Variants in SNX29 observed in about 807,000 individuals in gnomAD.
SNX29 encodes the protein sorting nexin-29.
A neutral mutation model predicts 102.1 loss-of-function variants in SNX29; 78 were observed. The observed-to-expected ratio is 0.76, with a 90% CI of 0.64 to 0.92. The LOEUF (loss-of-function observed/expected upper bound fraction) is 0.92, where lower values mean the gene tolerates loss of function less well. Ranked by LOEUF, SNX29 falls within the 40% of genes least tolerant of loss-of-function variation. The probability of loss-of-function intolerance (pLI) is 0.00; values close to 1 mark genes in which losing one functional copy is unlikely to be tolerated. For missense variants in SNX29, 1,280 were observed against 1,061.7 expected (o/e 1.21, Z -2.86); for synonymous variants, 580 against 414.5 (o/e 1.40, Z -4.85).
At chr16:12,535,811 C>A (rs1321639152) in intron 20 of SNX29, among the ~76,000 whole-genome samples, 1 of 152,160 alleles carries the variant, frequency 6.6e-6, no homozygotes, top group African/African-American at 2.4e-5. Context: ...CTGTGTAAGC[C>A]TTGCCGCCAC....
At chr16:12,164,058 T>C (rs1350457629) in intron 13 of SNX29, among the ~76,000 whole-genome samples, 12 of 152,084 alleles carry the variant, frequency 7.9e-5, no homozygotes, top group Non-Finnish European at 1.8e-4. Context: ...AGGGTTTGCT[T>C]TCTTAGTTGG....
At chr16:12,304,109 A>G (rs2080264177) in intron 15 of SNX29, among the ~76,000 whole-genome samples, 1 of 152,138 alleles carries the variant, frequency 6.6e-6, no homozygotes, top group Non-Finnish European at 1.5e-5. Flanking sequence ...TCCCAGGCCT[A>G]AGTAGCAGGA....
chr16:12,521,883 C>T (rs908375326), intron 19 of SNX29, among the ~76,000 whole-genome samples: 1 of 152,198 alleles, frequency 6.6e-6, no homozygotes, highest in African/African-American at 2.4e-5. Context: ...CGCACATAGC[C>T]CGCCTCCTGC....
intron 15 of SNX29, among the ~76,000 whole-genome samples, chr16:12,338,479 C>T (rs1274197999): frequency 6.6e-6 from 1 of 152,198 alleles, no homozygotes; most frequent in African/African-American, 2.4e-5. Context: ...GTGCATCAGG[C>T]GTTGTGCACA....
At position 12,568,806 on chromosome 16, in the gene SNX29, T is replaced by G; in HGVS notation, c.*177T>G. ...TAAACTAATCAGTCTTCGAGCCGCA[T>G]GATACCGTGACCCGAGAGACCAAGG... On this transcript the variant is annotated 3_prime_UTR_variant, in exon 21 of 21. Transcript: ENST00000566228. 9.8e-7 allele frequency: 1 copy of G among 1,018,274 alleles called. No homozygotes were observed. Among genetic ancestry groups the G allele is most frequent in the Non-Finnish European group, 1.4e-6 (1 of 719,122 alleles). The allele number at this position is 1,018,274 out of a possible 1,614,324, so 63.1% of individuals were successfully genotyped here.
chr16:12,207,812 A>G (rs2077083970), intron 14 of SNX29, among the ~76,000 whole-genome samples: 3 of 152,030 alleles, frequency 2.0e-5, no homozygotes, highest in African/African-American at 7.3e-5. Context: ...AGAGTCTGGC[A>G]TTTGCTTTTT....
chr16:12,083,636 G>T (rs1410148924), intron 11 of SNX29, among the ~76,000 whole-genome samples: 1 of 152,214 alleles, frequency 6.6e-6, no homozygotes, highest in Non-Finnish European at 1.5e-5. Flanking sequence ...ATGCAATTCA[G>T]TCCATAGCAT....
chr16:12,035,360 C>T (rs117361454), intron 4 of SNX29, among the ~76,000 whole-genome samples: 25 of 152,150 alleles, frequency 1.6e-4, no homozygotes, highest in South Asian at 6.2e-4. Flanking sequence ...TGCACATGCA[C>T]GCCACCATGC....
At position 12,524,735 on chromosome 16, in the gene SNX29, C is replaced by T; in HGVS notation, c.2212C>T (p.Leu738Phe). The T allele has an allele frequency of 6.2e-7, 1 of 1,613,592 alleles. No individual in the cohort carries two copies. Among genetic ancestry groups the T allele is most frequent in the East Asian group, 2.2e-5 (1 of 44,876 alleles). The change falls in exon 20 of 21, where the codon CTC becomes TTC. Residue 738 changes from leucine to phenylalanine, a missense_variant. Physicochemically the swap from Leu to Phe is conservative, Grantham distance 22. Transcript: ENST00000566228. ...AKFVEERRKQLQNYLRSVMNK... is the reference protein window; with the variant it reads ...AKFVEERRKQFQNYLRSVMNK... ...GTTTGTGGAGGAACGGAGAAAGCAGCTCCAGAATTACCTGCGCAGCGTCAT... is the reference window on the plus strand; with the variant it reads ...GTTTGTGGAGGAACGGAGAAAGCAGTTCCAGAATTACCTGCGCAGCGTCAT...
chr16:12,052,714 G>A lies in SNX29; in HGVS notation c.1124+492G>A, dbSNP rs145157909. The A allele has an allele frequency of 1.5e-3, 258 of 175,958 alleles. 1 individual carries two copies. Among genetic ancestry groups the A allele is most frequent in the Middle Eastern group, 5.4e-3 (2 of 372 alleles). The allele number at this position is 175,958 out of a possible 1,614,324, so 10.9% of individuals were successfully genotyped here. A position where few individuals can be genotyped will look rare whatever the true frequency, so the allele number is the denominator to read the frequency against. On this transcript the variant is annotated intron_variant, in intron 8 of 20. Transcript: ENST00000566228. ...AGAGGGGAAAGGAGTACATTTGAGG[G>A]CACTTAATACAAAGTTAATGTCAGA...
intron 11 of SNX29, among the ~76,000 whole-genome samples, chr16:12,079,337 C>A (rs1252216646): frequency 1.3e-5 from 2 of 152,132 alleles, no homozygotes; most frequent in Non-Finnish European, 2.9e-5. Context: ...AACTTTACTA[C>A]CTAGAAAAAG....
intron 15 of SNX29, among the ~76,000 whole-genome samples, chr16:12,283,855 G>T (rs2079510605): frequency 6.6e-6 from 1 of 152,196 alleles, no homozygotes; most frequent in Admixed American, 6.5e-5. Context: ...TTCTGCAGAG[G>T]TTGGCACCTA....
At chr16:12,504,135 C>A (rs145821378) in intron 19 of SNX29, among the ~76,000 whole-genome samples, 1 of 152,050 alleles carries the variant, frequency 6.6e-6, no homozygotes, top group African/African-American at 2.4e-5. Context: ...TGAACATTTC[C>A]TATCGATGGA....
Position 12,255,523 on chromosome 16 carries a change from C to A in SNX29, c.1679-22410C>A, listed in dbSNP as rs530850801. ...CAACTGAAGCTTTGTACTTTTTGAC[C>A]AGCATCCCCCCATCTCTCCCCTGCC... is the stretch of plus-strand genomic sequence containing the variant. On this transcript the variant is annotated intron_variant, in intron 14 of 20. Coordinates refer to ENST00000566228, the MANE Select transcript of SNX29 (RefSeq NM_032167.5). Among the ~76,000 whole-genome samples, 5 of 152,236 alleles carry A rather than the reference C, an allele frequency of 3.3e-5. No individual in the cohort carries two copies. In the South Asian group the frequency reaches 1.0e-3, roughly 32 times the overall value.
At chr16:12,284,190 T>C (rs918660311) in intron 15 of SNX29, among the ~76,000 whole-genome samples, 1 of 152,264 alleles carries the variant, frequency 6.6e-6, no homozygotes, top group Non-Finnish European at 1.5e-5. Flanking sequence ...GTCGCTGCCT[T>C]CTGCAGCCTG....
chr16:12,206,419 G>A (rs2077045720), intron 14 of SNX29, among the ~76,000 whole-genome samples: 2 of 142,902 alleles, frequency 1.4e-5, no homozygotes, highest in South Asian at 4.6e-4. Flanking sequence ...GATTTAGAAT[G>A]TTTGCAGATT....
chr16:12,458,796 G>A (rs966155646), intron 18 of SNX29, among the ~76,000 whole-genome samples: 2 of 152,160 alleles, frequency 1.3e-5, no homozygotes, highest in Non-Finnish European at 2.9e-5. Context: ...GCAGAGGCAG[G>A]CTCTGGCCAC....
At chr16:12,039,991 C>G (rs1374270183) in intron 4 of SNX29, among the ~76,000 whole-genome samples, 1 of 151,990 alleles carries the variant, frequency 6.6e-6, no homozygotes, top group Non-Finnish European at 1.5e-5. Context: ...TTACTGCCAG[C>G]ATGAAAAAAT....
At chr16:11,989,599 T>C (rs2055766399) in intron 1 of SNX29, among the ~76,000 whole-genome samples, 1 of 152,266 alleles carries the variant, frequency 6.6e-6, no homozygotes, top group South Asian at 2.1e-4. Flanking sequence ...TGGCCAGTTC[T>C]GGTCCTTTTT....
Sources: gnomAD v4.1 joint callset for allele counts (sites outside exome capture counted in the v4.1 genomes callset) on GRCh38, gnomAD v4.1.1 for gene constraint, MANE v1.5 for transcripts, NCBI Gene and HGNC (gene_info 2026-07-23, HGNC 2026-07-21) for gene names.